The following CELF2 variants were observed in gnomAD, a reference collection of about 807,000 sequenced individuals.
CELF2 encodes CUG triplet repeat RNA-binding protein 2.
Under a neutral mutation model 62.6 loss-of-function variants are expected in CELF2, and 8 were observed. That is an observed-to-expected ratio of 0.13 (90% CI 0.07 to 0.23). The LOEUF is 0.23. Ranked by LOEUF, CELF2 falls within the 10% of genes least tolerant of loss-of-function variation. CELF2 has a pLI of 1.00. For missense variants in CELF2, 333 were observed against 671.0 expected (o/e 0.50, Z 5.56); for synonymous variants, 258 against 250.0 (o/e 1.03, Z -0.30).
intron 1 of CELF2, among the ~76,000 whole-genome samples, chr10:11,038,457 A>C (rs1431424733): frequency 6.6e-6 from 1 of 152,198 alleles, no homozygotes; most frequent in Non-Finnish European, 1.5e-5. Context: ...TTATTGATAC[A>C]GGTTGGTTGT....
intron 4 of CELF2, among the ~76,000 whole-genome samples, chr10:11,250,846 A>G (rs1184197521): frequency 6.6e-6 from 1 of 152,214 alleles, no homozygotes; most frequent in Non-Finnish European, 1.5e-5. Flanking sequence ...TGAAATGTTG[A>G]TTACTGTTTG....
chr10:11,074,906 CTAAA>C (rs998817673), intron 1 of CELF2: 8 of 152,192 alleles, frequency 5.3e-5, no homozygotes, highest in Non-Finnish European at 1.0e-4. Flanking sequence ...AATTTGGTCT[CTAAA>C]TAACAAATTA....
At chr10:10,873,786 C>T (rs2060910424) in intron 1 of CELF2, among the ~76,000 whole-genome samples, 2 of 152,216 alleles carry the variant, frequency 1.3e-5, no homozygotes, top group Non-Finnish European at 2.9e-5. Flanking sequence ...TTCTCCCTGT[C>T]CCTTCTCTGA....
At chr10:11,293,864 G>T (rs886945047) in intron 9 of CELF2, among the ~76,000 whole-genome samples, 45 of 152,070 alleles carry the variant, frequency 3.0e-4, no homozygotes, top group Admixed American at 6.5e-4. Flanking sequence ...AGGGCCATCT[G>T]TTCAGTCTAG....
intron 1 of CELF2, among the ~76,000 whole-genome samples, chr10:11,093,873 G>A (rs1595090419): frequency 6.6e-6 from 1 of 152,194 alleles, no homozygotes; most frequent in East Asian, 1.9e-4. Context: ...GCTTCAGATT[G>A]TATCTCTACC....
At chr10:10,722,298 G>T in the CELF2 span, among the ~76,000 whole-genome samples, 1 of 151,868 alleles carries the variant, frequency 6.6e-6, no homozygotes, top group African/African-American at 2.4e-5. Context: ...GGGCAACAAA[G>T]CAAAACCGTC....
intron 1 of CELF2, among the ~76,000 whole-genome samples, chr10:11,091,561 A>G (rs764986162): frequency 2.6e-5 from 4 of 152,216 alleles, no homozygotes; most frequent in Non-Finnish European, 5.9e-5. Context: ...GTGAGGAAAT[A>G]CTACGTTGCA....
rs2055050049 is a variant in CELF2, at chr10:11,005,358, G to A, written c.-30G>A. 1.2e-6 allele frequency: 2 copies of A among 1,613,292 alleles called. No individual in the cohort carries two copies. Among genetic ancestry groups the A allele is most frequent in the Admixed American group, 1.7e-5 (1 of 59,914 alleles). On this transcript the variant is annotated 5_prime_UTR_variant, in exon 1 of 13. Transcript: ENST00000416382. This position sits in a 1 kb window ranked among gnomAD's most constrained non-coding sequence, Gnocchi z 4.3. Reference sequence around the variant, plus strand: ...TGATGTTTGAGCATACTTCTGAACTGGCTTTTGTTGAGACTATCAGTATAG... The same window carrying A: ...TGATGTTTGAGCATACTTCTGAACTAGCTTTTGTTGAGACTATCAGTATAG...
the CELF2 span, among the ~76,000 whole-genome samples, chr10:10,697,094 A>G: frequency 6.6e-6 from 1 of 150,454 alleles, no homozygotes; most frequent in Non-Finnish European, 1.5e-5. Flanking sequence ...TGTTATTATG[A>G]TGATGTCCTG....
intron 1 of CELF2, chr10:11,030,706 T>TG (rs1424673235): frequency 2.0e-5 from 3 of 152,404 alleles, no homozygotes; most frequent in African/African-American, 7.2e-5. Flanking sequence ...GTGGGCATAT[T>TG]GGCAGCTGAA....
the CELF2 span, among the ~76,000 whole-genome samples, chr10:10,705,264 G>A: frequency 2.6e-5 from 4 of 151,098 alleles, no homozygotes; most frequent in Admixed American, 2.0e-4. Context: ...ACATATGAAC[G>A]TAGTCACAAA....
At chr10:10,657,114 C>T in the CELF2 span, among the ~76,000 whole-genome samples, 3 of 151,852 alleles carry the variant, frequency 2.0e-5, no homozygotes, top group Non-Finnish European at 4.4e-5. Flanking sequence ...CATGGTTGAA[C>T]CCTGAAAAAA....
At chr10:10,615,527 G>A in the CELF2 span, among the ~76,000 whole-genome samples, 1 of 152,112 alleles carries the variant, frequency 6.6e-6, no homozygotes, top group African/African-American at 2.4e-5. Flanking sequence ...TGTTGATATG[G>A]TTTGAATTTG....
At chr10:10,495,562 C>T in the CELF2 span, among the ~76,000 whole-genome samples, 1 of 152,186 alleles carries the variant, frequency 6.6e-6, no homozygotes, top group Non-Finnish European at 1.5e-5. Context: ...TCTACCTGAA[C>T]AGCCACAGGG....
chr10:11,079,619 G>A (rs975118428), intron 1 of CELF2, among the ~76,000 whole-genome samples: 121 of 152,176 alleles, frequency 8.0e-4, no homozygotes, highest in African/African-American at 2.8e-3. Flanking sequence ...GGTGCCTTCC[G>A]CCATGATTGT....
At chr10:10,527,201 G>A in the CELF2 span, among the ~76,000 whole-genome samples, 587 of 152,278 alleles carry the variant, frequency 3.9e-3, 5 homozygotes, top group African/African-American at 0.013. Flanking sequence ...CAGCACTTTG[G>A]GAGGCCGAGG....
intron 2 of CELF2, chr10:11,171,319 C>T (rs1368884420): frequency 1.3e-5 from 2 of 152,180 alleles, no homozygotes; most frequent in East Asian, 1.9e-4. Flanking sequence ...GTTTCAGCCT[C>T]GTCTTGGTCA....
the CELF2 span, among the ~76,000 whole-genome samples, chr10:10,700,814 T>C: frequency 5.3e-5 from 8 of 152,224 alleles, no homozygotes; most frequent in African/African-American, 9.6e-5. Context: ...TCTATGTACA[T>C]TTAAAGCTAA....
At chr10:10,699,347 G>A in the CELF2 span, among the ~76,000 whole-genome samples, 1 of 152,146 alleles carries the variant, frequency 6.6e-6, no homozygotes, top group Non-Finnish European at 1.5e-5. Context: ...GTCCCATAAG[G>A]ACTTCTTTTT....
Sources: allele counts gnomAD v4.1 joint callset (sites outside exome capture counted in the v4.1 genomes callset), GRCh38; gene constraint gnomAD v4.1.1; non-coding constraint Gnocchi (gnomAD v3.1); transcripts MANE v1.5; gene names NCBI Gene and HGNC (gene_info 2026-07-23, HGNC 2026-07-21).